RPS6KA2: variants seen among roughly 807,000 people sequenced by gnomAD.
RPS6KA2 encodes ribosomal protein S6 kinase alpha-2.
RPS6KA2 carries 42 observed loss-of-function variants against 91.8 expected under a neutral mutation model. The observed-to-expected ratio is 0.46, with a 90% CI of 0.36 to 0.59. The LOEUF (loss-of-function observed/expected upper bound fraction) is 0.59. RPS6KA2 is among the 20% of genes least tolerant of loss of function. The probability of loss-of-function intolerance (pLI) is 0.00; values close to 1 mark genes in which losing one functional copy is unlikely to be tolerated. For synonymous variants in RPS6KA2, 414 were observed against 393.6 expected (o/e 1.05, Z -0.61); for missense variants, 798 against 978.5 (o/e 0.82, Z 2.46).
intron 2 of RPS6KA2, among the ~76,000 whole-genome samples, chr6:166,785,277 C>G (rs936109342): frequency 2.0e-5 from 3 of 152,182 alleles, no homozygotes; most frequent in Admixed American, 6.5e-5. Context: ...CTCTTCACCC[C>G]TCATGTGCCA....
At chr6:166,742,353 T>C (rs1038118704) in intron 2 of RPS6KA2, among the ~76,000 whole-genome samples, 3 of 152,224 alleles carry the variant, frequency 2.0e-5, no homozygotes, top group African/African-American at 7.2e-5. Context: ...AAACATTTAT[T>C]GCTGAGGGAA....
chr6:166,530,004 G>A, intron 3 of RPS6KA2, among the ~76,000 whole-genome samples: 1 of 152,210 alleles, frequency 6.6e-6, no homozygotes, highest in East Asian at 1.9e-4. Context: ...TTTAAAGTCT[G>A]TACATATTTG....
intron 16 of RPS6KA2, among the ~76,000 whole-genome samples, chr6:166,425,050 C>A (rs1778858457): frequency 6.6e-6 from 1 of 151,198 alleles, no homozygotes; most frequent in South Asian, 2.1e-4. Flanking sequence ...TCCCTCCTGT[C>A]CTCTCTGCCT....
intron 2 of RPS6KA2, among the ~76,000 whole-genome samples, chr6:166,836,125 T>C (rs1411702305): frequency 2.0e-5 from 3 of 152,168 alleles, no homozygotes; most frequent in African/African-American, 4.8e-5. Flanking sequence ...TTCAATTTGC[T>C]AATATTTTCC....
At chr6:166,596,724 T>A (rs1396355526) in intron 1 of RPS6KA2, among the ~76,000 whole-genome samples, 1 of 152,130 alleles carries the variant, frequency 6.6e-6, no homozygotes, top group Non-Finnish European at 1.5e-5. Context: ...ATGGTGTGAG[T>A]CAATTCTCCT....
chr6:166,448,951 T>C lies in RPS6KA2; in HGVS notation c.1207-102A>G. ...GTGGGGCGAAGAGAGGCACCGACTG[T>C]GAACTGAGTGTGTGGAGGCCTGGGA... On this transcript the variant is annotated intron_variant, in intron 13 of 20. Transcript: ENST00000265678. The surrounding 1 kb of genome is among the most constrained non-coding windows in gnomAD (Gnocchi z 4.7). 1.4e-6 allele frequency: 2 copies of C among 1,414,386 alleles called. No homozygotes were observed. Among genetic ancestry groups the C allele is most frequent in the Non-Finnish European group, 2.0e-6 (2 of 1,025,152 alleles). The allele number at this position is 1,414,386 out of a possible 1,614,324, so 87.6% of individuals were successfully genotyped here.
chr6:166,641,816 A>T (rs1302960892), intron 2 of RPS6KA2, among the ~76,000 whole-genome samples: 1 of 149,646 alleles, frequency 6.7e-6, no homozygotes, highest in Non-Finnish European at 1.5e-5. Flanking sequence ...AAGAGTTGGT[A>T]AAAGAGACGT....
At position 166,445,515 on chromosome 6, in the gene RPS6KA2, G is replaced by A. The variant is rs913258576; in HGVS notation, c.1332+3209C>T. On this transcript the variant is annotated intron_variant, in intron 14 of 20. Transcript: ENST00000265678. The surrounding 1 kb of genome is among the most constrained non-coding windows in gnomAD (Gnocchi z 4.5). ...TGACCCGTATTCACCAATGCCAGGA[G>A]CCCCTGTCCCAGCTGGAAAAACCAG... is the stretch of plus-strand genomic sequence containing the variant. Among the ~76,000 whole-genome samples, 2 of 152,180 alleles carry A rather than the reference G, an allele frequency of 1.3e-5. No homozygotes were observed. The highest frequency in any genetic ancestry group is 2.9e-5 in the Non-Finnish European group (2 of 68,042).
intron 2 of RPS6KA2, among the ~76,000 whole-genome samples, chr6:166,787,600 C>T (rs1778966630): frequency 6.6e-6 from 1 of 152,090 alleles, no homozygotes; most frequent in Non-Finnish European, 1.5e-5. Context: ...ATACCCTTCA[C>T]TGGGAAAACT....
intron 1 of RPS6KA2, among the ~76,000 whole-genome samples, chr6:166,607,718 G>A (rs1408693808): frequency 1.3e-5 from 2 of 152,192 alleles, no homozygotes; most frequent in Non-Finnish European, 2.9e-5. Context: ...ACATGGAATT[G>A]TACATTTTAA....
At chr6:166,462,552 C>T (rs1780356733) in intron 11 of RPS6KA2, among the ~76,000 whole-genome samples, 1 of 152,208 alleles carries the variant, frequency 6.6e-6, no homozygotes, top group Non-Finnish European at 1.5e-5. Context: ...GGTCCCGGTT[C>T]CCTCCAGCCC....
rs1001192534 is a variant in RPS6KA2 at position 166,758,520 on chromosome 6, C to T, written c.123+99680G>A. ...CCGTGTGATTGGCAGCTGCTGAGTA[C>T]AGGCGGCAGGTTCAGAGTCAGACCC... On this transcript the variant is annotated intron_variant, in intron 2 of 21. Coordinates refer to the RPS6KA2 transcript ENST00000503859. Among the ~76,000 whole-genome samples, 5 of 152,334 alleles carry T rather than the reference C, an allele frequency of 3.3e-5. No homozygotes were observed. The South Asian group carries it at 1.0e-3, about 32-fold the overall frequency.
At chr6:166,701,706 C>T in intron 2 of RPS6KA2, 2 of 1,322,528 alleles carry the variant, frequency 1.5e-6, no homozygotes, top group Non-Finnish European at 2.2e-6. Flanking sequence ...TGGGTGGGAA[C>T]AGACCCAAGG....
At chr6:166,525,073 T>C (rs1297806440) in intron 3 of RPS6KA2, among the ~76,000 whole-genome samples, 3 of 152,218 alleles carry the variant, frequency 2.0e-5, no homozygotes, top group Non-Finnish European at 4.4e-5. Flanking sequence ...TACTGCTCCA[T>C]ACAATACAGC....
In RPS6KA2 at chr6:166,451,363, G is replaced by A. The variant is rs147965553; in HGVS notation, c.1076-130C>T. The A allele has an allele frequency of 1.0e-4, 97 of 926,254 alleles. 1 individual carries two copies. The Middle Eastern group carries it at 4.2e-3, about 40-fold the overall frequency. 57.4% of individuals were successfully genotyped at this position (926,254 alleles called of 1,614,324 possible). A position where few individuals can be genotyped will look rare whatever the true frequency, so the allele number is the denominator to read the frequency against. ...TGTGTGTGTGTGTGTGTGTGTGCAC[G>A]TGGCGTATGCCTGTGGTGGAGGAAA... On this transcript the variant is annotated intron_variant, in intron 12 of 20. Transcript: ENST00000265678.
rs1391004453 is a variant in RPS6KA2 at position 166,480,477 on chromosome 6, TTTTATATATA to T, written c.907+8346_907+8355del. On this transcript the variant is annotated intron_variant, in intron 10 of 20. Coordinates refer to ENST00000265678, the MANE Select transcript of RPS6KA2 (RefSeq NM_021135.6). The stretch of plus-strand genomic sequence containing the variant: ...AATCTTATATTCCTTAAGATTGTGA[TTTTATATATA>T]TATATATATATATATATATATATAT... Among the ~76,000 whole-genome samples the T allele has an allele frequency of 1.7e-3, 73 of 43,918 alleles. 3 individuals carry two copies. The highest frequency in any genetic ancestry group is 7.3e-3 in the African/African-American group (59 of 8,062). The allele number at this position is 43,918 out of a possible 152,430, so 28.8% of individuals were successfully genotyped here. A position where few individuals can be genotyped will look rare whatever the true frequency, so the allele number is the denominator to read the frequency against.
At chr6:166,503,575 C>T (rs924537454) in intron 6 of RPS6KA2, among the ~76,000 whole-genome samples, 4 of 152,140 alleles carry the variant, frequency 2.6e-5, no homozygotes, top group Admixed American at 1.3e-4. Flanking sequence ...GGTGATGCCT[C>T]ATCTAGGGGC....
intron 16 of RPS6KA2, among the ~76,000 whole-genome samples, chr6:166,427,478 A>T (rs1778966533): frequency 6.6e-6 from 1 of 151,772 alleles, no homozygotes; most frequent in Non-Finnish European, 1.5e-5. Flanking sequence ...AAGGAAATAA[A>T]GGGTATTCAA....
chr6:166,663,712 T>A (rs975181329), intron 2 of RPS6KA2, among the ~76,000 whole-genome samples: 4 of 152,022 alleles, frequency 2.6e-5, no homozygotes, highest in Non-Finnish European at 5.9e-5. Context: ...CGGAAGGGCC[T>A]TAGAGGAAGG....
Sources: gnomAD v4.1 joint callset for allele counts (sites outside exome capture counted in the v4.1 genomes callset) on GRCh38, gnomAD v4.1.1 for gene constraint, Gnocchi (gnomAD v3.1) non-coding constraint, MANE v1.5 for transcripts, NCBI Gene and HGNC (gene_info 2026-07-23, HGNC 2026-07-21) for gene names.